Variants in PALMD observed in about 807,000 individuals in gnomAD.
PALMD encodes the protein paralemmin-like protein.
In PALMD, 42 loss-of-function variants were observed where a neutral mutation model predicts 56.2. The ratio of observed to expected loss-of-function variants is 0.75; its 90% CI spans 0.58 to 0.97. PALMD has a LOEUF of 0.97. PALMD is among the 50% of genes least tolerant of loss of function. PALMD has a pLI of 0.00. For missense variants in PALMD, 660 were observed against 643.8 expected (o/e 1.03, Z -0.27); for synonymous variants, 242 against 222.9 (o/e 1.09, Z -0.76).
chr1:99,671,263 G>C (rs527659733), intron 3 of PALMD, among the ~76,000 whole-genome samples: 5 of 151,970 alleles, frequency 3.3e-5, no homozygotes, highest in Admixed American at 6.5e-5. Context: ...CTTTGCCCAT[G>C]AACCTTTCTT....
intron 7 of PALMD, 87 bp downstream of exon 7, chr1:99,689,959 C>G (rs1405424335): frequency 8.0e-7 from 1 of 1,256,242 alleles, no homozygotes; most frequent in African/African-American, 1.5e-5. Context: ...TCAGGCTTCT[C>G]TGACCACCTC....
chr1:99,663,125 T>G (rs1652884141), intron 2 of PALMD, among the ~76,000 whole-genome samples: 1 of 152,172 alleles, frequency 6.6e-6, no homozygotes, highest in African/African-American at 2.4e-5. Flanking sequence ...ATCCCCTTAA[T>G]GATACAAAGC....
chr1:99,679,249 T>C (rs1430668258), intron 3 of PALMD, among the ~76,000 whole-genome samples: 1 of 152,220 alleles, frequency 6.6e-6, no homozygotes, highest in Non-Finnish European at 1.5e-5. Context: ...CATTGGTAGT[T>C]ACATTGAAAC....
chr1:99,689,495 C>A lies in PALMD; in HGVS notation c.1235C>A (p.Pro412Gln), dbSNP rs34301993. Residue 412 changes from proline to glutamine, a missense_variant, in exon 7 of 8, where the codon CCG (proline) becomes CAG (glutamine). Physicochemically the swap from Pro to Gln is moderately conservative, Grantham distance 76. Coordinates refer to ENST00000263174, the MANE Select transcript of PALMD (RefSeq NM_017734.5). Reference sequence around the variant, plus strand: ...CCTCCAGACATAAATGATACAGAACCGGTGACAATGATTTTCATGGGGTAT... The same window carrying A: ...CCTCCAGACATAAATGATACAGAACAGGTGACAATGATTTTCATGGGGTAT... Reference protein sequence around the residue: ...SLPPDINDTEPVTMIFMGYQQ... With the variant: ...SLPPDINDTEQVTMIFMGYQQ... 6 of 1,613,590 alleles carry A rather than the reference C, an allele frequency of 3.7e-6. No homozygotes were observed. Among genetic ancestry groups the A allele is most frequent in the South Asian group, 1.1e-5 (1 of 91,066 alleles).
At chr1:99,671,020 G>A (rs1653073744) in intron 3 of PALMD, among the ~76,000 whole-genome samples, 1 of 152,174 alleles carries the variant, frequency 6.6e-6, no homozygotes, top group South Asian at 2.1e-4. Flanking sequence ...TTTCCTGTTA[G>A]CACTGAGTAG....
At chr1:99,660,662 T>G (rs1240222039) in intron 1 of PALMD, among the ~76,000 whole-genome samples, 1 of 152,090 alleles carries the variant, frequency 6.6e-6, no homozygotes. Context: ...AAAGAAATAC[T>G]TACGAAATTT....
chr1:99,688,665 C>T (rs1481977189), intron 6 of PALMD, 110 bp from the exon 7 acceptor site: 3 of 680,642 alleles, frequency 4.4e-6, no homozygotes, highest in African/African-American at 3.6e-5. Context: ...CAACATCTCA[C>T]ATACAAGAAC....
At chr1:99,678,866 C>T (rs1320465675) in intron 3 of PALMD, among the ~76,000 whole-genome samples, 1 of 152,038 alleles carries the variant, frequency 6.6e-6, no homozygotes, top group African/African-American at 2.4e-5. Context: ...TGGCTCACAC[C>T]TGTAATCCCA....
At chr1:99,681,373 C>T (rs933435523) in intron 3 of PALMD, among the ~76,000 whole-genome samples, 4 of 151,836 alleles carry the variant, frequency 2.6e-5, no homozygotes, top group Non-Finnish European at 5.9e-5. Flanking sequence ...TTTTCTCTTC[C>T]CCAAAACTAC....
chr1:99,658,163 G>T (rs1194753725), intron 1 of PALMD, among the ~76,000 whole-genome samples: 1 of 151,824 alleles, frequency 6.6e-6, no homozygotes, highest in East Asian at 1.9e-4. Flanking sequence ...AATTACCCGG[G>T]CATGGTGGGG....
chr1:99,688,184 A>G (rs1653558199), intron 6 of PALMD, among the ~76,000 whole-genome samples: 1 of 152,092 alleles, frequency 6.6e-6, no homozygotes, highest in Admixed American at 6.6e-5. Context: ...CAGAAAGAGA[A>G]GTGTGTGATT....
chr1:99,649,726 T>C (rs1249194007), intron 1 of PALMD, among the ~76,000 whole-genome samples: 2 of 152,332 alleles, frequency 1.3e-5, no homozygotes, highest in South Asian at 4.1e-4. Context: ...ATTACAAATA[T>C]GGATATGCTC....
In PALMD at chr1:99,689,931, G is replaced by A. The variant is rs771928037; in HGVS notation, c.1612+59G>A. ...CAGTCATGTGACCAGCTTCTCTTGT[G>A]CTAATGCAGTCTTGCTTTCAGGCTT... On this transcript the variant is annotated intron_variant, in intron 7 of 7. Transcript: ENST00000263174. 4.0e-5 allele frequency: 59 copies of A among 1,488,278 alleles called. 2 individuals carry two copies. In the Middle Eastern group the frequency reaches 1.3e-3, roughly 32 times the overall value. The allele number at this position is 1,488,278 out of a possible 1,614,324, so 92.2% of individuals were successfully genotyped here. A position where few individuals can be genotyped will look rare whatever the true frequency, so the allele number is the denominator to read the frequency against.
At chr1:99,683,581 A>G (rs1571073727) in intron 3 of PALMD, 1 of 152,246 alleles carries the variant, frequency 6.6e-6, no homozygotes, top group East Asian at 1.9e-4. Context: ...CTAGAATCCA[A>G]CCACTTCTCA....
In PALMD at chr1:99,646,272, G is replaced by A. The variant is rs1306581444; in HGVS notation, c.-46G>A. On this transcript the variant is annotated 5_prime_UTR_variant, in exon 1 of 8. Transcript: ENST00000263174. ...CCCCCAGGAGGCTCCTTGATTTATG[G>A]TAGCTTTGGACTTGCTTCCCCGTCT... 1 of 1,549,096 alleles carries A rather than the reference G, an allele frequency of 6.5e-7. No homozygotes were observed. Among genetic ancestry groups the A allele is most frequent in the South Asian group, 1.1e-5 (1 of 89,708 alleles).
intron 2 of PALMD, among the ~76,000 whole-genome samples, chr1:99,664,041 A>T (rs1652910307): frequency 6.6e-6 from 1 of 152,144 alleles, no homozygotes; most frequent in Non-Finnish European, 1.5e-5. Flanking sequence ...TCTTGTCCAC[A>T]TTCCTTTGCC....
intron 3 of PALMD, among the ~76,000 whole-genome samples, chr1:99,682,236 A>G (rs564333909): frequency 8.5e-5 from 13 of 152,352 alleles, no homozygotes; most frequent in South Asian, 6.2e-4. Context: ...TTGAAGTGGA[A>G]ATTTTAGGAA....
At chr1:99,675,969 A>G (rs1463768552) in intron 3 of PALMD, among the ~76,000 whole-genome samples, 2 of 152,210 alleles carry the variant, frequency 1.3e-5, no homozygotes, top group African/African-American at 4.8e-5. Context: ...AGCTATTCAC[A>G]TATAATCAGT....
chr1:99,686,579 CATATTCCAAGGAAACTTTAT>C, intron 3 of PALMD, 77 bp from the exon 4 acceptor site: 2 of 622,644 alleles, frequency 3.2e-6, no homozygotes, highest in Non-Finnish European at 5.7e-6. Flanking sequence ...TACTTACATG[CATATTCCAAGGAAACTTTAT>C]ATATGGGGAA....
Sources: gnomAD v4.1 joint callset for allele counts (sites outside exome capture counted in the v4.1 genomes callset) on GRCh38, gnomAD v4.1.1 for gene constraint, MANE v1.5 for transcripts, NCBI Gene and HGNC (gene_info 2026-07-23, HGNC 2026-07-21) for gene names.